Variants in SLC9A9 observed in about 807,000 individuals in gnomAD.
The protein encoded by SLC9A9 is solute carrier family 9 member A9, also known as sodium/hydrogen exchanger 9.
In SLC9A9, 62 loss-of-function variants were observed where a neutral mutation model predicts 77.8. That is an observed-to-expected ratio of 0.80 (90% CI 0.65 to 0.98). The LOEUF (loss-of-function observed/expected upper bound fraction) is 0.98. Among genes scored for constraint, SLC9A9 ranks in the 50% least tolerant of loss-of-function variants. The pLI is 0.00. For missense variants in SLC9A9, 775 were observed against 774.9 expected (o/e 1.00, Z 0.00); for synonymous variants, 320 against 283.5 (o/e 1.13, Z -1.29).
chr3:143,595,833 TG>T (rs1476655437), intron 6 of SLC9A9, among the ~76,000 whole-genome samples: 1 of 152,178 alleles, frequency 6.6e-6, no homozygotes. Context: ...TACAGTTGCT[TG>T]GTTAGTTTAA....
intron 6 of SLC9A9, among the ~76,000 whole-genome samples, chr3:143,640,878 T>C (rs1488701241): frequency 6.6e-6 from 1 of 152,036 alleles, no homozygotes; most frequent in Non-Finnish European, 1.5e-5. Context: ...AAAATAAAAC[T>C]GATTTGTTGC....
chr3:143,837,418 T>C (rs922819765), intron 1 of SLC9A9, among the ~76,000 whole-genome samples: 1 of 152,236 alleles, frequency 6.6e-6, no homozygotes, highest in Non-Finnish European at 1.5e-5. Context: ...GTAGGAGAAC[T>C]GAGTTTTGCA....
At chr3:143,491,379 T>C (rs2035741965) in intron 11 of SLC9A9, among the ~76,000 whole-genome samples, 1 of 152,198 alleles carries the variant, frequency 6.6e-6, no homozygotes, top group Non-Finnish European at 1.5e-5. Flanking sequence ...TATATGATTA[T>C]ATATAGTTCA....
chr3:143,749,377 G>A (rs139742885), intron 4 of SLC9A9, among the ~76,000 whole-genome samples: 3 of 152,090 alleles, frequency 2.0e-5, no homozygotes, highest in Admixed American at 6.5e-5. Context: ...CACAACAATA[G>A]TCTAAGAGCC....
intron 4 of SLC9A9, among the ~76,000 whole-genome samples, chr3:143,729,427 GC>G (rs1017519486): frequency 6.6e-6 from 1 of 152,168 alleles, no homozygotes; most frequent in African/African-American, 2.4e-5. Flanking sequence ...TAGGTGGTAT[GC>G]CAGCACAGAT....
chr3:143,580,635 A>G (rs758085781), intron 6 of SLC9A9, among the ~76,000 whole-genome samples: 3 of 152,258 alleles, frequency 2.0e-5, no homozygotes, highest in Non-Finnish European at 4.4e-5. Flanking sequence ...TAGGTAATTT[A>G]GAAAAAGAAA....
intron 12 of SLC9A9, among the ~76,000 whole-genome samples, chr3:143,388,815 G>A (rs957949732): frequency 6.6e-6 from 1 of 152,232 alleles, no homozygotes; most frequent in Non-Finnish European, 1.5e-5. Flanking sequence ...ACAGTATGGT[G>A]TGATAAGCAT....
At chr3:143,766,443 T>C (rs1005096372) in intron 4 of SLC9A9, among the ~76,000 whole-genome samples, 2 of 152,212 alleles carry the variant, frequency 1.3e-5, no homozygotes, top group Non-Finnish European at 2.9e-5. Context: ...GGCTACCACA[T>C]AAGATCTGCT....
intron 12 of SLC9A9, among the ~76,000 whole-genome samples, chr3:143,466,312 A>G (rs1034093431): frequency 2.0e-5 from 3 of 152,270 alleles, no homozygotes; most frequent in Admixed American, 2.0e-4. Flanking sequence ...CTTCTGGGAT[A>G]TGAAAATGAG....
At chr3:143,359,859 G>T (rs549519209) in intron 14 of SLC9A9, among the ~76,000 whole-genome samples, 7 of 152,304 alleles carry the variant, frequency 4.6e-5, no homozygotes, top group South Asian at 4.1e-4. Context: ...TGATTCAGAA[G>T]TCGGGGATTC....
At chr3:143,657,137 AGTCAAGC>A (rs1410386109) in intron 5 of SLC9A9, among the ~76,000 whole-genome samples, 1 of 152,194 alleles carries the variant, frequency 6.6e-6, no homozygotes, top group East Asian at 1.9e-4. Context: ...TGATTTTGCC[AGTCAAGC>A]TCTGCCAGTC....
At chr3:143,832,807 G>A (rs1264950524) in intron 1 of SLC9A9, among the ~76,000 whole-genome samples, 1 of 151,536 alleles carries the variant, frequency 6.6e-6, no homozygotes, top group Non-Finnish European at 1.5e-5. Context: ...GACTAAGATA[G>A]TAGCAGAAGA....
intron 12 of SLC9A9, among the ~76,000 whole-genome samples, chr3:143,425,528 T>G (rs993866319): frequency 3.9e-5 from 6 of 152,224 alleles, no homozygotes; most frequent in African/African-American, 1.4e-4. Context: ...AGCACTTTGA[T>G]GTGGACTCTT....
chr3:143,446,412 G>A (rs2034844226), intron 12 of SLC9A9, among the ~76,000 whole-genome samples: 1 of 152,092 alleles, frequency 6.6e-6, no homozygotes, highest in Admixed American at 6.6e-5. Flanking sequence ...AAGGGGTTAT[G>A]GGGGCTTGAG....
intron 6 of SLC9A9, among the ~76,000 whole-genome samples, chr3:143,607,712 C>G (rs1428820666): frequency 6.6e-6 from 1 of 151,548 alleles, no homozygotes; most frequent in Non-Finnish European, 1.5e-5. Flanking sequence ...AATAATCAAT[C>G]CAAACAAAAT....
At chr3:143,759,634 T>A (rs1298084236) in intron 4 of SLC9A9, among the ~76,000 whole-genome samples, 1 of 151,930 alleles carries the variant, frequency 6.6e-6, no homozygotes, top group African/African-American at 2.4e-5. Context: ...ACCTCCTCTA[T>A]CCTCATAAGA....
chr3:143,368,290 T>A (rs931731503), intron 13 of SLC9A9, among the ~76,000 whole-genome samples: 1 of 152,196 alleles, frequency 6.6e-6, no homozygotes, highest in Non-Finnish European at 1.5e-5. Context: ...TGTTTTGTGC[T>A]TATTTGAACC....
At chr3:143,450,176 A>T (rs1057026288) in intron 12 of SLC9A9, among the ~76,000 whole-genome samples, 1 of 133,626 alleles carries the variant, frequency 7.5e-6, no homozygotes, top group Non-Finnish European at 1.6e-5. Flanking sequence ...CATATTTATT[A>T]TATTATGTAA....
chr3:143,778,889 C>T (rs543993950), intron 4 of SLC9A9, among the ~76,000 whole-genome samples: 3 of 152,300 alleles, frequency 2.0e-5, no homozygotes, highest in Admixed American at 6.5e-5. Context: ...TGCTGGTTGA[C>T]TTGCATGCTC....
Sources: gnomAD v4.1 joint callset for allele counts (sites outside exome capture counted in the v4.1 genomes callset) on GRCh38, gnomAD v4.1.1 for gene constraint, MANE v1.5 for transcripts, NCBI Gene and HGNC (gene_info 2026-07-23, HGNC 2026-07-21) for gene names.